The following MNAT1 variants were observed in gnomAD, a reference collection of about 807,000 sequenced individuals.
The protein encoded by MNAT1 is MNAT1 component of CDK activating kinase.
MNAT1 carries 43 observed loss-of-function variants against 42.0 expected under a neutral mutation model. The ratio of observed to expected loss-of-function variants is 1.02; its 90% CI spans 0.80 to 1.32. MNAT1 has a LOEUF of 1.32. Ranked by LOEUF, MNAT1 falls within the 40% of genes most tolerant of loss-of-function variation. The pLI is 0.00. For missense variants in MNAT1, 306 were observed against 350.4 expected, an observed-to-expected ratio of 0.87 and a Z score of 1.01; for synonymous variants, 118 against 120.0, an observed-to-expected ratio of 0.98 and a Z score of 0.11.
rs527990592 is a variant in MNAT1 at position 60,888,074 on chromosome 14, G to A, written c.809+8239G>A. Among the ~76,000 whole-genome samples the A allele has an allele frequency of 2.7e-5, 4 of 149,890 alleles. No individual in the cohort carries two copies. In the South Asian group the frequency reaches 6.5e-4, roughly 24 times the overall value. On this transcript the variant is annotated intron_variant, in intron 7 of 7. Coordinates refer to ENST00000261245, the MANE Select transcript of MNAT1 (RefSeq NM_002431.4). ...AACTATTCCAATCAATAGAAAAAGA[G>A]GGAATCCTCCCTAACTCATTGTATG... is the stretch of plus-strand genomic sequence containing the variant.
chr14:60,856,831 C>T (rs2033971111), intron 6 of MNAT1, among the ~76,000 whole-genome samples: 1 of 152,060 alleles, frequency 6.6e-6, no homozygotes, highest in South Asian at 2.1e-4. Flanking sequence ...CAGGCGCTCA[C>T]CACCACGCCC....
intron 6 of MNAT1, among the ~76,000 whole-genome samples, chr14:60,852,903 A>G (rs188881194): frequency 1.5e-4 from 23 of 152,254 alleles, no homozygotes; most frequent in Admixed American, 8.5e-4. Context: ...CCATTGGTCT[A>G]TATATCTGTT....
At chr14:60,891,930 C>T (rs79537040) in intron 7 of MNAT1, among the ~76,000 whole-genome samples, 113 of 151,994 alleles carry the variant, frequency 7.4e-4, no homozygotes, top group African/African-American at 2.6e-3. Context: ...GTGTATTGTA[C>T]GATTTCTACA....
At chr14:60,908,478 C>G (rs111985224) in intron 7 of MNAT1, among the ~76,000 whole-genome samples, 1 of 151,828 alleles carries the variant, frequency 6.6e-6, no homozygotes, top group South Asian at 2.1e-4. Flanking sequence ...CCCAACCCCC[C>G]GACCCCACAA....
chr14:60,828,534 T>C (rs757425046), intron 6 of MNAT1, among the ~76,000 whole-genome samples: 1 of 148,598 alleles, frequency 6.7e-6, no homozygotes, highest in Non-Finnish European at 1.5e-5. Context: ...CAAAATGTGT[T>C]TTTTTTTTTT....
intron 6 of MNAT1, among the ~76,000 whole-genome samples, chr14:60,862,786 CTT>C (rs925330749): frequency 5.3e-5 from 8 of 152,218 alleles, no homozygotes; most frequent in African/African-American, 1.7e-4. Flanking sequence ...TCTTTGGCAT[CTT>C]GTGCTAGTAT....
chr14:60,758,858 A>T (rs2030477336), intron 1 of MNAT1, among the ~76,000 whole-genome samples: 1 of 152,140 alleles, frequency 6.6e-6, no homozygotes, highest in South Asian at 2.1e-4. Context: ...TAATTTTTTA[A>T]TATTTTCTGT....
At chr14:60,955,200 A>G (rs1439905674) in intron 7 of MNAT1, among the ~76,000 whole-genome samples, 2 of 152,032 alleles carry the variant, frequency 1.3e-5, no homozygotes, top group African/African-American at 2.4e-5. Context: ...TGGCTTTTGT[A>G]TTAGGGTAAT....
At chr14:60,933,469 T>C (rs2035928405) in intron 7 of MNAT1, among the ~76,000 whole-genome samples, 2 of 152,168 alleles carry the variant, frequency 1.3e-5, no homozygotes, top group Admixed American at 6.5e-5. Context: ...CCAGTGATTT[T>C]ATTTGTGCTC....
chr14:60,754,671 G>A (rs1200403808), intron 1 of MNAT1, among the ~76,000 whole-genome samples: 1 of 152,136 alleles, frequency 6.6e-6, no homozygotes, highest in Non-Finnish European at 1.5e-5. Flanking sequence ...TTCTAAGGGC[G>A]CATGTTCAAC....
chr14:60,940,174 G>T lies in MNAT1; in HGVS notation c.810-28055G>T, dbSNP rs1020883262. Among the ~76,000 whole-genome samples the T allele has an allele frequency of 3.9e-5, 6 of 152,244 alleles. No individual in the cohort carries two copies. The South Asian group carries it at 1.2e-3, about 32-fold the overall frequency. On this transcript the variant is annotated intron_variant, in intron 7 of 7. Coordinates refer to ENST00000261245, the MANE Select transcript of MNAT1 (RefSeq NM_002431.4). ...TGAATACAGCACACTGATGGGTCTT[G>T]ACTCTTTATCCAATTTGCCAGTCTG...
In MNAT1 at chr14:60,888,153, A is replaced by G. The variant is rs548818464; in HGVS notation, c.809+8318A>G. Among the ~76,000 whole-genome samples the G allele has an allele frequency of 4.5e-4, 63 of 140,012 alleles. 1 individual carries two copies. The highest frequency in any genetic ancestry group is 4.3e-3 in the East Asian group (21 of 4,856). 91.9% of individuals were successfully genotyped at this position (140,012 alleles called of 152,430 possible). ...GGGCAGAGACACAACCAAAAAAGAG[A>G]ATTTTAGACCAATATCCTTGATGAA... On this transcript the variant is annotated intron_variant, in intron 7 of 7. Coordinates refer to ENST00000261245, the MANE Select transcript of MNAT1 (RefSeq NM_002431.4).
chr14:60,923,841 G>A (rs763121970), intron 7 of MNAT1, among the ~76,000 whole-genome samples: 2 of 152,144 alleles, frequency 1.3e-5, no homozygotes, highest in Admixed American at 1.3e-4. Context: ...TTAGCCAGGT[G>A]TGGTGGTGTG....
intron 2 of MNAT1, 131 bp downstream of exon 2, chr14:60,796,500 AG>A: frequency 5.2e-6 from 4 of 762,518 alleles, no homozygotes; most frequent in Middle Eastern, 3.9e-4. Context: ...TTAAGTTCTT[AG>A]AGAACTGAGT....
intron 7 of MNAT1, among the ~76,000 whole-genome samples, chr14:60,965,557 G>C (rs1421165214): frequency 1.3e-5 from 2 of 152,220 alleles, no homozygotes; most frequent in African/African-American, 4.8e-5. Flanking sequence ...AAATTGCCAA[G>C]CCAGATATGG....
chr14:60,902,617 C>G (rs1438500105), intron 7 of MNAT1, among the ~76,000 whole-genome samples: 2 of 152,090 alleles, frequency 1.3e-5, no homozygotes, highest in Non-Finnish European at 2.9e-5. Flanking sequence ...TAATAAGATA[C>G]ATCCATCCCC....
chr14:60,917,564 AT>A (rs2035549213), intron 7 of MNAT1, among the ~76,000 whole-genome samples: 1 of 151,734 alleles, frequency 6.6e-6, no homozygotes. Context: ...CAACTTGTAT[AT>A]GTTGAATCCA....
chr14:60,746,923 TACACACACACAC>T (rs61278549), intron 1 of MNAT1, among the ~76,000 whole-genome samples: 2,171 of 25,612 alleles, frequency 0.085, 417 homozygotes, highest in East Asian at 0.14. Context: ...TATATATATA[TACACACACACAC>T]ACACACACAC....
chr14:60,815,445 G>A (rs1304337268), intron 5 of MNAT1, among the ~76,000 whole-genome samples: 1 of 152,120 alleles, frequency 6.6e-6, no homozygotes, highest in Non-Finnish European at 1.5e-5. Flanking sequence ...ATGAACTACT[G>A]ACCTTGTGAT....
Sources: allele counts gnomAD v4.1 joint callset (sites outside exome capture counted in the v4.1 genomes callset), GRCh38; gene constraint gnomAD v4.1.1; transcripts MANE v1.5; gene names NCBI Gene and HGNC (gene_info 2026-07-23, HGNC 2026-07-21).